Variants in POGLUT2 observed in about 807,000 individuals in gnomAD.
POGLUT2 encodes the protein ER protein 58.
In POGLUT2, 47 loss-of-function variants were observed where a neutral mutation model predicts 57.6. The observed-to-expected ratio is 0.82, with a 90% CI of 0.65 to 1.04. The LOEUF is 1.04. Among genes scored for constraint, POGLUT2 ranks in the 50% least tolerant of loss-of-function variants. POGLUT2 has a pLI of 0.00. For missense variants in POGLUT2, 565 were observed against 614.8 expected, an observed-to-expected ratio of 0.92 and a Z score of 0.86; for synonymous variants, 200 against 218.8, an observed-to-expected ratio of 0.91 and a Z score of 0.76.
At chr13:102,787,505 A>G (rs919352883) in intron 8 of POGLUT2, among the ~76,000 whole-genome samples, 4 of 152,232 alleles carry the variant, frequency 2.6e-5, no homozygotes, top group African/African-American at 9.6e-5. Context: ...TAGACAAAGA[A>G]ATGGTAAGGC....
At chr13:102,790,319 C>T (rs1313852938) in intron 6 of POGLUT2, among the ~76,000 whole-genome samples, 1 of 152,170 alleles carries the variant, frequency 6.6e-6, no homozygotes, top group Non-Finnish European at 1.5e-5. Flanking sequence ...TCTCTCTCTA[C>T]CATGGGGGAC....
At position 102,792,802 on chromosome 13, in the gene POGLUT2, T is replaced by G. The variant is rs116520888; in HGVS notation, c.672+539A>C. Among the ~76,000 whole-genome samples the G allele has an allele frequency of 6.3e-3, 959 of 151,730 alleles. 14 individuals carry two copies. The highest frequency in any genetic ancestry group is 0.02 in the African/African-American group (845 of 41,362). The stretch of plus-strand genomic sequence containing the variant: ...GGCCTCCTGACACTTTAATTTTTTT[T>G]GGGGGGGGACAGGATCTCACTCTTG... On this transcript the variant is annotated intron_variant, in intron 4 of 9. Coordinates refer to ENST00000376004, the MANE Select transcript of POGLUT2 (RefSeq NM_024089.3).
In POGLUT2 at chr13:102,787,852, A is replaced by G; in HGVS notation, c.1365T>C (p.Tyr455=). ...NNLMGDDIFC[Y]YFKLFQEYAN... ...TACTGACCTGGAAAAGTTTGAAATA[A>G]TAACAGAATATGTCATCGCCCATGA... Residue 455 remains tyrosine (Y), a synonymous_variant, in exon 8 of 10, where the codon TAT becomes TAC. Coordinates refer to ENST00000376004, the MANE Select transcript of POGLUT2 (RefSeq NM_024089.3). The G allele has an allele frequency of 6.4e-7, 1 of 1,569,040 alleles. No homozygotes were observed. The highest frequency in any genetic ancestry group is 8.7e-7 in the Non-Finnish European group (1 of 1,149,746).
chr13:102,795,458 G>C (rs1337071088), intron 2 of POGLUT2, among the ~76,000 whole-genome samples: 1 of 152,052 alleles, frequency 6.6e-6, no homozygotes, highest in Non-Finnish European at 1.5e-5. Flanking sequence ...AGCTACTCAT[G>C]CAGCTGAGGT....
In POGLUT2 at chr13:102,793,687, C is replaced by A. The variant is rs200456278; in HGVS notation, c.508G>T (p.Val170Leu). The A allele has an allele frequency of 6.2e-7, 1 of 1,614,192 alleles. No individual in the cohort carries two copies. The highest frequency in any genetic ancestry group is 8.5e-7 in the Non-Finnish European group (1 of 1,180,022). The change falls in exon 3 of 10, where the codon GTG (valine) becomes TTG (leucine). Residue 170 changes from valine (V) to leucine (L), a missense_variant. Val to Leu is a conservative substitution (Grantham distance 32). Coordinates refer to ENST00000376004, the MANE Select transcript of POGLUT2 (RefSeq NM_024089.3). ...TCTACTGCAATCTTTTCTGGATCCA[C>A]AGCAGGGAAATGTGCCAGATCTCTC... is the stretch of plus-strand genomic sequence containing the variant. Reference protein sequence around the residue: ...IQRDLAHFPAVDPEKIAVEIP... With the variant: ...IQRDLAHFPALDPEKIAVEIP...
chr13:102,793,912 T>C (rs372341616), intron 2 of POGLUT2, 106 bp from the exon 3 acceptor site: 8 of 948,134 alleles, frequency 8.4e-6, no homozygotes, highest in African/African-American at 1.6e-5. Flanking sequence ...CTTAGTTACA[T>C]AGGAAGAGCA....
intron 6 of POGLUT2, among the ~76,000 whole-genome samples, chr13:102,790,601 G>A (rs954471494): frequency 6.6e-6 from 1 of 152,170 alleles, no homozygotes. Context: ...TTACATGTAA[G>A]TATTAATAAA....
At chr13:102,793,153 A>G in intron 4 of POGLUT2, 188 bp downstream of exon 4, 1 of 537,180 alleles carries the variant, frequency 1.9e-6, no homozygotes, top group East Asian at 3.0e-5. Flanking sequence ...TCCAGTTTGT[A>G]GCACTTTGTT....
At position 102,788,996 on chromosome 13, in the gene POGLUT2, A is replaced by G; in HGVS notation, c.1293+16T>C. The G allele has an allele frequency of 6.2e-7, 1 of 1,603,420 alleles. No homozygotes were observed. On this transcript the variant is annotated intron_variant, in intron 7 of 9. Transcript: ENST00000376004. ...GGAAACAAGTGGAAATAAGCCTTCA[A>G]GGGGACTAACCTTACCTCTTCATCG... is the stretch of plus-strand genomic sequence containing the variant.
In POGLUT2 at chr13:102,790,912, C is replaced by G. The variant is rs1277897254; in HGVS notation, c.1072G>C (p.Asp358His). The G allele has an allele frequency of 3.7e-6, 6 of 1,600,526 alleles. No individual in the cohort carries two copies. Among genetic ancestry groups the G allele is most frequent in the Non-Finnish European group, 4.3e-6 (5 of 1,167,914 alleles). The change falls in exon 6 of 10, where the codon GAT becomes CAT. Residue 358 changes from aspartate (D) to histidine (H), a missense_variant. Physicochemically the swap from Asp to His is moderately conservative, Grantham distance 81. Coordinates refer to ENST00000376004, the MANE Select transcript of POGLUT2 (RefSeq NM_024089.3). ...GPIVKHISFF[D>H]FFKHKYQINI... ...TGATTAAGTCATACCTTGAAGAAAT[C>G]AAAAAATGAAATATGTTTCACAATG...
At chr13:102,794,389 C>T (rs1878296347) in intron 2 of POGLUT2, among the ~76,000 whole-genome samples, 1 of 151,754 alleles carries the variant, frequency 6.6e-6, no homozygotes, top group Admixed American at 6.6e-5. Context: ...AGGCTGGGTG[C>T]AGTGGCTCAC....
chr13:102,798,045 A>G (rs956028851), intron 1 of POGLUT2, among the ~76,000 whole-genome samples: 7 of 152,232 alleles, frequency 4.6e-5, no homozygotes, highest in Non-Finnish European at 1.0e-4. Flanking sequence ...CGAACTCTGA[A>G]GTTTCAAATA....
At chr13:102,791,897 A>C (rs931322365) in intron 4 of POGLUT2, 2 of 883,684 alleles carry the variant, frequency 2.3e-6, no homozygotes, top group Non-Finnish European at 3.2e-6. Flanking sequence ...AAATGGCATG[A>C]ATATGTAAAG....
chr13:102,789,085 T>A lies in POGLUT2; in HGVS notation c.1220A>T (p.His407Leu). The A allele has an allele frequency of 6.2e-7, 1 of 1,614,176 alleles. No individual in the cohort carries two copies. Among genetic ancestry groups the A allele is most frequent in the Non-Finnish European group, 8.5e-7 (1 of 1,179,990 alleles). Residue 407 changes from histidine (H) to leucine (L), a missense_variant, in exon 7 of 10, where the codon CAC (histidine) becomes CTC (leucine). Transcript: ENST00000376004. ...HFYNELQPWK[H>L]YIPVKSNLSD... ...CAGGTTGCTCTTAACTGGAATGTAG[T>A]GTTTCCAGGGCTGCAGCTCATTGTA...
At chr13:102,791,626 A>C (rs1878183869) in intron 4 of POGLUT2, among the ~76,000 whole-genome samples, 196 bp from the exon 5 acceptor site, 1 of 152,220 alleles carries the variant, frequency 6.6e-6, no homozygotes, top group African/African-American at 2.4e-5. Context: ...GCTCCCTATG[A>C]AAGGGATGAA....
rs761516990 is a variant in POGLUT2 at position 102,796,888 on chromosome 13, T to C, written c.304A>G (p.Arg102Gly). 5 of 1,611,130 alleles carry C rather than the reference T, an allele frequency of 3.1e-6. No homozygotes were observed. The highest frequency in any genetic ancestry group is 4.2e-6 in the Non-Finnish European group (5 of 1,177,360). ...AGATTTTTGTAGCTTGCATACATTCTGTATCTTACTATGAAGGACCCATCT... is the reference window on the plus strand; with the variant it reads ...AGATTTTTGTAGCTTGCATACATTCCGTATCTTACTATGAAGGACCCATCT... ...RKDGSFIVRY[R>G]MYASYKNLKV... The change falls in exon 2 of 10, where the codon AGA becomes GGA. Residue 102 changes from arginine (R) to glycine (G), a missense_variant. Arg to Gly is a moderately radical substitution (Grantham distance 125). Coordinates refer to ENST00000376004, the MANE Select transcript of POGLUT2 (RefSeq NM_024089.3).
chr13:102,798,841 G>A lies in POGLUT2; in HGVS notation c.-171C>T, dbSNP rs1404813962. On this transcript the variant is annotated 5_prime_UTR_variant, in exon 1 of 10. Transcript: ENST00000376004. Reference sequence around the variant, plus strand: ...GGCGCGCGGGTCTCCGCGACCCCAGGACAATCAAAGCCCGTGCCCCGGCGC... The same window carrying A: ...GGCGCGCGGGTCTCCGCGACCCCAGAACAATCAAAGCCCGTGCCCCGGCGC... The A allele has an allele frequency of 1.1e-5, 7 of 613,096 alleles. No individual in the cohort carries two copies. The African/African-American group carries it at 1.3e-4, about 12-fold the overall frequency. The allele number at this position is 613,096 out of a possible 1,614,324, so 38.0% of individuals were successfully genotyped here. A position where few individuals can be genotyped will look rare whatever the true frequency, so the allele number is the denominator to read the frequency against.
Position 102,793,640 on chromosome 13 carries a change from C to G in POGLUT2, c.555G>C (p.Gln185His), listed in dbSNP as rs144061173. ...IAVEIPKRFG[Q>H]RQSLCHYTLK... ...AGGTGTAGTGACATAGGCTCTGCCT[C>G]TGTCCAAATCTTTTTGGGATTTCTA... Residue 185 changes from glutamine (Q) to histidine (H), a missense_variant, in exon 3 of 10, where the codon CAG becomes CAC. By Grantham distance (24) the Gln-to-His change is conservative. Coordinates refer to ENST00000376004, the MANE Select transcript of POGLUT2 (RefSeq NM_024089.3). The G allele has an allele frequency of 1.2e-6, 2 of 1,613,954 alleles. No individual in the cohort carries two copies. Among genetic ancestry groups the G allele is most frequent in the East Asian group, 2.2e-5 (1 of 44,886 alleles).
chr13:102,787,876 G>A lies in POGLUT2; in HGVS notation c.1341C>T (p.Leu447=), dbSNP rs558624131. 1 of 1,593,718 alleles carries A rather than the reference G, an allele frequency of 6.3e-7. No individual in the cohort carries two copies. The highest frequency in any genetic ancestry group is 1.1e-5 in the South Asian group (1 of 88,558). ...AATAACAGAATATGTCATCGCCCAT[G>A]AGATTATTTCTTGCAAATTCTTGTC... is the stretch of plus-strand genomic sequence containing the variant. The part of the protein sequence containing the change: ...KAGQEFARNN[L]MGDDIFCYYF... Residue 447 remains leucine (L), a synonymous_variant, in exon 8 of 10, where the codon CTC becomes CTT. Coordinates refer to ENST00000376004, the MANE Select transcript of POGLUT2 (RefSeq NM_024089.3).
Sources: gnomAD v4.1 joint callset for allele counts (sites outside exome capture counted in the v4.1 genomes callset) on GRCh38, gnomAD v4.1.1 for gene constraint, MANE v1.5 for transcripts, NCBI Gene and HGNC (gene_info 2026-07-23, HGNC 2026-07-21) for gene names.